The following CRACR2B variants were observed in gnomAD, a reference collection of about 807,000 sequenced individuals.
CRACR2B encodes the protein EF-hand calcium-binding domain-containing protein 4A.
A neutral mutation model predicts 46.0 loss-of-function variants in CRACR2B; 50 were observed. That is an observed-to-expected ratio of 1.09 (90% CI 0.87 to 1.38). The LOEUF is 1.38. Ranked by LOEUF, CRACR2B falls within the 40% of genes most tolerant of loss-of-function variation. The probability of loss-of-function intolerance (pLI) is 0.00; values close to 1 mark genes in which losing one functional copy is unlikely to be tolerated. For synonymous variants in CRACR2B, 277 were observed against 239.6 expected (o/e 1.16, Z -1.44); for missense variants, 667 against 535.0 (o/e 1.25, Z -2.43).
intron 3 of CRACR2B, 199 bp downstream of exon 3, chr11:829,739 G>C: frequency 2.0e-6 from 2 of 999,898 alleles, no homozygotes; most frequent in South Asian, 3.5e-5. Context: ...GCAGCAGCCA[G>C]GGCTGCAGGG....
chr11:829,224 C>T, intron 2 of CRACR2B, 136 bp from the exon 3 acceptor site: 1 of 1,453,684 alleles, frequency 6.9e-7, no homozygotes, highest in Non-Finnish European at 9.1e-7. Context: ...GTTTCCAGGC[C>T]AATAGGACCA....
chr11:829,992 G>A lies in CRACR2B; in HGVS notation c.465G>A (p.Arg155=), dbSNP rs757733219. Residue 155 remains arginine (R), a synonymous_variant, in exon 4 of 9, where the codon CGG becomes CGA. Coordinates refer to ENST00000525077, the MANE Select transcript of CRACR2B (RefSeq NM_001286606.2). Reference sequence around the variant, plus strand: ...GTTCCCGCCCGCCCTCCAGGCAGCGGGCTGTGAGGACGCTCTGGGCCAGGC... The same window carrying A: ...GTTCCCGCCCGCCCTCCAGGCAGCGAGCTGTGAGGACGCTCTGGGCCAGGC... ...LGVAPVLGKQ[R]AVRTLWARLQ... 7.7e-6 allele frequency: 12 copies of A among 1,568,578 alleles called. No homozygotes were observed. The South Asian group carries it at 1.0e-4, about 14-fold the overall frequency.
At chr11:829,895 C>G (rs1171894633) in intron 3 of CRACR2B, 91 bp from the exon 4 acceptor site, 1 of 1,471,772 alleles carries the variant, frequency 6.8e-7, no homozygotes, top group East Asian at 2.5e-5. Context: ...TGCCCAGGGG[C>G]GAAGAAGTCT....
In CRACR2B at chr11:831,552, T is replaced by A; in HGVS notation, c.1043T>A (p.Leu348Gln). ...LELLRELNTR[L>Q]RDDRDACEAR... is the part of the protein sequence containing the mutation. ...TTCCCTAGGGAGCTGAATACACGGC[T>A]GCGGGATGACAGGGACGCCTGCGAG... is the stretch of plus-strand genomic sequence containing the variant. The change falls in exon 9 of 9, where the codon CTG becomes CAG. Residue 348 changes from leucine to glutamine, a missense_variant. Coordinates refer to ENST00000525077, the MANE Select transcript of CRACR2B (RefSeq NM_001286606.2). The A allele has an allele frequency of 6.3e-7, 1 of 1,598,398 alleles. No homozygotes were observed.
rs1399876495 is a variant in CRACR2B, at chr11:829,924, G to C, written c.459-62G>C. 7 of 1,521,524 alleles carry C rather than the reference G, an allele frequency of 4.6e-6. No individual in the cohort carries two copies. The African/African-American group carries it at 8.3e-5, about 18-fold the overall frequency. 94.3% of individuals were successfully genotyped at this position (1,521,524 alleles called of 1,614,324 possible). On this transcript the variant is annotated intron_variant, in intron 3 of 8. Coordinates refer to ENST00000525077, the MANE Select transcript of CRACR2B (RefSeq NM_001286606.2). ...GAAGTCTCCTAAGGGTTTGCTGCTGGCGGAGGGAAGCCTGCTTCCCGCTTC... is the reference window on the plus strand; with the variant it reads ...GAAGTCTCCTAAGGGTTTGCTGCTGCCGGAGGGAAGCCTGCTTCCCGCTTC...
At position 830,784 on chromosome 11, in the gene CRACR2B, G is replaced by A. The variant is rs915006587; in HGVS notation, c.786+71G>A. The A allele has an allele frequency of 8.1e-6, 12 of 1,482,242 alleles. No homozygotes were observed. The African/African-American group carries it at 1.7e-4, about 21-fold the overall frequency. 91.8% of individuals were successfully genotyped at this position (1,482,242 alleles called of 1,614,324 possible). Reference sequence around the variant, plus strand: ...CTCCCCCTGTGCCTTAGCGTCCCCGGGTTGTCGGGAGCCTGGGGCACGCGC... The same window carrying A: ...CTCCCCCTGTGCCTTAGCGTCCCCGAGTTGTCGGGAGCCTGGGGCACGCGC... On this transcript the variant is annotated intron_variant, in intron 6 of 8. Transcript: ENST00000525077.
chr11:829,501 CTG>C lies in CRACR2B; in HGVS notation c.422_423del (p.Val141AlafsTer210), dbSNP rs1380397779. 21 of 1,606,312 alleles carry C rather than the reference CTG, an allele frequency of 1.3e-5. No homozygotes were observed. Among genetic ancestry groups the C allele is most frequent in the Non-Finnish European group, 1.7e-5 (20 of 1,177,652 alleles). ...GAGGAAGAGGAGGAGCGATTCCACA[CTG>C]TGCTGGAGCAGCTGGGGGTGGCCCC... On this transcript the variant is annotated frameshift_variant, in exon 3 of 9. Coordinates refer to ENST00000525077, the MANE Select transcript of CRACR2B (RefSeq NM_001286606.2). LOFTEE classifies it high-confidence loss of function.
At chr11:830,600 G>A in intron 5 of CRACR2B, 21 bp from the exon 6 acceptor site, 1 of 1,535,676 alleles carries the variant, frequency 6.5e-7, no homozygotes, top group Non-Finnish European at 8.8e-7. Flanking sequence ...CGGAGGCTCA[G>A]TGGTCCTCCG....
At chr11:829,790 G>A (rs1846240455) in intron 3 of CRACR2B, 196 bp from the exon 4 acceptor site, 1 of 1,175,532 alleles carries the variant, frequency 8.5e-7, no homozygotes, top group East Asian at 2.7e-5. Context: ...TACCGGCACT[G>A]CCCAGGGTAC....
In CRACR2B at chr11:829,354, C is replaced by T; in HGVS notation, c.278-6C>T. On this transcript the variant is annotated splice_region_variant and splice_polypyrimidine_tract_variant and intron_variant, in intron 2 of 8. Coordinates refer to ENST00000525077, the MANE Select transcript of CRACR2B (RefSeq NM_001286606.2). Reference sequence around the variant, plus strand: ...GCCCTGGTAATCGCTCGCTCCATGCCCGCAGGGATGTTTGTGGGGGTGGCG... The same window carrying T: ...GCCCTGGTAATCGCTCGCTCCATGCTCGCAGGGATGTTTGTGGGGGTGGCG... The T allele has an allele frequency of 1.2e-6, 2 of 1,602,918 alleles. No homozygotes were observed. Among genetic ancestry groups the T allele is most frequent in the Non-Finnish European group, 1.7e-6 (2 of 1,176,582 alleles).
Position 830,246 on chromosome 11 carries a change from G to A in CRACR2B, c.606-4G>A, listed in dbSNP as rs1428286541. 4 of 1,507,068 alleles carry A rather than the reference G, an allele frequency of 2.7e-6. No individual in the cohort carries two copies. Among genetic ancestry groups the A allele is most frequent in the Non-Finnish European group, 3.6e-6 (4 of 1,125,382 alleles). The allele number at this position is 1,507,068 out of a possible 1,614,324, so 93.4% of individuals were successfully genotyped here. ...CTCATCCGGGGTCGCCCGGTCCCCC[G>A]AAGGCGCGAGAGCGAGCACGAGAGG... On this transcript the variant is annotated splice_polypyrimidine_tract_variant and splice_region_variant and intron_variant, in intron 4 of 8. Transcript: ENST00000525077.
At chr11:828,803 G>A (rs759154160) in intron 1 of CRACR2B, 31 bp downstream of exon 1, 3 of 1,612,284 alleles carry the variant, frequency 1.9e-6, no homozygotes, top group Non-Finnish European at 2.5e-6. Flanking sequence ...GACTGCTTCG[G>A]CCCTGGGTTG....
At position 829,490 on chromosome 11, in the gene CRACR2B, G is replaced by C. The variant is rs1451993713; in HGVS notation, c.408G>C (p.Glu136Asp). ...TGGATGAGGAGGAGGAAGAGGAGGA[G>C]CGATTCCACACTGTGCTGGAGCAGC... ...GSLDEEEEEE[E>D]RFHTVLEQLG... is the part of the protein sequence containing the mutation. Residue 136 changes from glutamate (E) to aspartate (D), a missense_variant, in exon 3 of 9, where the codon GAG becomes GAC. By Grantham distance (45) the Glu-to-Asp change is conservative. Transcript: ENST00000525077. 6.2e-7 allele frequency: 1 copy of C among 1,607,982 alleles called. No homozygotes were observed. The highest frequency in any genetic ancestry group is 1.7e-5 in the Admixed American group (1 of 59,070).
chr11:827,877 G>A (rs1029632847), upstream of CRACR2B, among the ~76,000 whole-genome samples: 1 of 152,230 alleles, frequency 6.6e-6, no homozygotes, highest in Non-Finnish European at 1.5e-5. Flanking sequence ...CAAGGAGGTG[G>A]GAAGGGAGGC....
At chr11:830,169 G>C in intron 4 of CRACR2B, 37 bp downstream of exon 4, 1 of 1,505,004 alleles carries the variant, frequency 6.6e-7, no homozygotes, top group Non-Finnish European at 8.8e-7. Flanking sequence ...CCAATGGAGG[G>C]CCTCAGGGCA....
Position 830,233 on chromosome 11 carries a change from C to G in CRACR2B, c.606-17C>G, listed in dbSNP as rs1304193719. ...GCGCTGGCAAGTTCTCATCCGGGGT[C>G]GCCCGGTCCCCCGAAGGCGCGAGAG... On this transcript the variant is annotated splice_polypyrimidine_tract_variant and intron_variant, in intron 4 of 8. Coordinates refer to ENST00000525077, the MANE Select transcript of CRACR2B (RefSeq NM_001286606.2). 1 of 1,498,722 alleles carries G rather than the reference C, an allele frequency of 6.7e-7. No homozygotes were observed. The highest frequency in any genetic ancestry group is 8.9e-7 in the Non-Finnish European group (1 of 1,121,750). 92.8% of individuals were successfully genotyped at this position (1,498,722 alleles called of 1,614,324 possible). A position where few individuals can be genotyped will look rare whatever the true frequency, so the allele number is the denominator to read the frequency against.
rs981949149 is a variant in CRACR2B, at chr11:830,970, G to A, written c.891G>A (p.Gly297=). ...AHEALRTQLE[G]AQEQIRRLES... is the part of the protein sequence containing the mutation. Reference sequence around the variant, plus strand: ...AGGCGCTGCGAACGCAGCTGGAGGGGGCGCAGGAGCAGATCCGCAGGCTGG... The same window carrying A: ...AGGCGCTGCGAACGCAGCTGGAGGGAGCGCAGGAGCAGATCCGCAGGCTGG... The change falls in exon 7 of 9, where the codon GGG becomes GGA. Residue 297 remains glycine, a synonymous_variant. Transcript: ENST00000525077. The A allele has an allele frequency of 3.3e-6, 5 of 1,533,648 alleles. No individual in the cohort carries two copies. The African/African-American group carries it at 4.1e-5, about 13-fold the overall frequency.
chr11:830,106 C>A lies in CRACR2B; in HGVS notation c.579C>A (p.Arg193=), dbSNP rs771998411. The part of the protein sequence containing the change: ...SACLEEAARE[R]DGLEQALRRR... ...GCCTGGAGGAGGCGGCCCGGGAGCG[C>A]GACGGCCTGGAGCAGGCGCTGCGGA... Residue 193 remains arginine, a synonymous_variant, in exon 4 of 9, where the codon CGC becomes CGA. Transcript: ENST00000525077. 1.3e-6 allele frequency: 2 copies of A among 1,539,450 alleles called. No individual in the cohort carries two copies. The highest frequency in any genetic ancestry group is 2.4e-5 in the South Asian group (2 of 84,320).
Position 830,931 on chromosome 11 carries a change from G to A in CRACR2B, c.852G>A (p.Leu284=), listed in dbSNP as rs1324191664. The stretch of plus-strand genomic sequence containing the variant: ...AGGCACAGGCCCAGAACTCCCAGCT[G>A]TGGCGGGCGCACGAGGCGCTGCGAA... ...HLEAQAQNSQ[L]WRAHEALRTQ... The change falls in exon 7 of 9, where the codon CTG becomes CTA. Residue 284 remains leucine, a synonymous_variant. Transcript: ENST00000525077. 3.9e-6 allele frequency: 6 copies of A among 1,531,132 alleles called. No individual in the cohort carries two copies. The highest frequency in any genetic ancestry group is 5.2e-6 in the Non-Finnish European group (6 of 1,145,184). The allele number at this position is 1,531,132 out of a possible 1,614,324, so 94.8% of individuals were successfully genotyped here.
Sources: allele counts gnomAD v4.1 joint callset (sites outside exome capture counted in the v4.1 genomes callset), GRCh38; gene constraint gnomAD v4.1.1; transcripts MANE v1.5; gene names NCBI Gene and HGNC (gene_info 2026-07-23, HGNC 2026-07-21).